KIAA1217: variants seen among roughly 807,000 people sequenced by gnomAD.
The protein encoded by KIAA1217 is KIAA1217.
A neutral mutation model predicts 163.9 loss-of-function variants in KIAA1217; 88 were observed. That is an observed-to-expected ratio of 0.54 (90% CI 0.45 to 0.64). The LOEUF is 0.64. KIAA1217 is among the 30% of genes least tolerant of loss of function. KIAA1217 has a pLI of 0.00. For missense variants in KIAA1217, 2,372 were observed against 2,475.0 expected (o/e 0.96, Z 0.88); for synonymous variants, 903 against 923.1 (o/e 0.98, Z 0.39).
At chr10:23,741,406 GC>G (rs1756427808) in intron 1 of KIAA1217, among the ~76,000 whole-genome samples, 1 of 151,698 alleles carries the variant, frequency 6.6e-6, no homozygotes, top group African/African-American at 2.4e-5. Context: ...TTCTGCTTAT[GC>G]CTTTTGAAAT....
chr10:23,881,648 A>T lies in KIAA1217; in HGVS notation c.-320-125577A>T, dbSNP rs377663611. Reference sequence around the variant, plus strand: ...GCTTGACTTTGAAAAGATTTTGTCCATTACATTCGGAATTGCTATTGGTGA... The same window carrying T: ...GCTTGACTTTGAAAAGATTTTGTCCTTTACATTCGGAATTGCTATTGGTGA... On this transcript the variant is annotated intron_variant, in intron 1 of 18. Coordinates refer to the KIAA1217 transcript ENST00000376462. Among the ~76,000 whole-genome samples, 6 of 152,124 alleles carry T rather than the reference A, an allele frequency of 3.9e-5. No individual in the cohort carries two copies. In the East Asian group the frequency reaches 5.8e-4, roughly 15 times the overall value.
Position 24,095,231 on chromosome 10 carries a change from C to T in KIAA1217, c.-171+87857C>T, listed in dbSNP as rs192305780. On this transcript the variant is annotated intron_variant, in intron 2 of 18. Transcript: ENST00000376462. ...CCCTGCTTCTGCTCGTGCACGGGTG[C>T]GCTGCACCCACTGTCCTGCGCCCAC... Among the ~76,000 whole-genome samples, 273 of 152,292 alleles carry T rather than the reference C, an allele frequency of 1.8e-3. 1 individual carries two copies. The highest frequency in any genetic ancestry group is 4.8e-3 in the Admixed American group (73 of 15,298).
At chr10:23,975,523 A>G (rs1845503614) in intron 1 of KIAA1217, among the ~76,000 whole-genome samples, 1 of 152,224 alleles carries the variant, frequency 6.6e-6, no homozygotes, top group South Asian at 2.1e-4. Context: ...GCACAGGCCA[A>G]TGCTTCCTTA....
chr10:24,010,428 A>C (rs1275191820), intron 2 of KIAA1217, among the ~76,000 whole-genome samples: 1 of 152,084 alleles, frequency 6.6e-6, no homozygotes, highest in African/African-American at 2.4e-5. Context: ...GCTGTTTTAA[A>C]ATAAAAAGTT....
chr10:24,331,664 G>T (rs1489640823), intron 2 of KIAA1217, among the ~76,000 whole-genome samples: 1 of 152,240 alleles, frequency 6.6e-6, no homozygotes, highest in Non-Finnish European at 1.5e-5. Flanking sequence ...AGGACAAACA[G>T]CAGCTTCAAG....
intron 2 of KIAA1217, among the ~76,000 whole-genome samples, chr10:24,095,238 C>G (rs2131698354): frequency 6.6e-6 from 1 of 152,334 alleles, no homozygotes; most frequent in African/African-American, 2.4e-5. Context: ...GTGCGCTGCA[C>G]CCACTGTCCT....
chr10:24,143,215 C>T (rs2064161921), intron 2 of KIAA1217, among the ~76,000 whole-genome samples: 1 of 152,160 alleles, frequency 6.6e-6, no homozygotes, highest in Non-Finnish European at 1.5e-5. Context: ...ACCCTCTGGA[C>T]ACCACAGCTG....
At chr10:24,512,696 G>C (rs745769434) in intron 9 of KIAA1217, among the ~76,000 whole-genome samples, 2 of 152,168 alleles carry the variant, frequency 1.3e-5, no homozygotes, top group Non-Finnish European at 2.9e-5. Flanking sequence ...CCATGTGAAC[G>C]AAAAGGACAC....
rs573716418 is a variant in KIAA1217, at chr10:24,201,871, T to A, written c.-170-17755T>A. Among the ~76,000 whole-genome samples, 370 of 152,300 alleles carry A rather than the reference T, an allele frequency of 2.4e-3. No homozygotes were observed. In the Middle Eastern group the frequency reaches 0.027, roughly 11 times the overall value. On this transcript the variant is annotated intron_variant, in intron 2 of 18. Coordinates refer to the KIAA1217 transcript ENST00000376462. The stretch of plus-strand genomic sequence containing the variant: ...GCTCAGGGCAAAGCAGGGGCTACAG[T>A]GAGCCCTTTGAGTCTCTGGACACCC...
At chr10:23,915,388 GC>G (rs1842595784) in intron 1 of KIAA1217, among the ~76,000 whole-genome samples, 1 of 152,098 alleles carries the variant, frequency 6.6e-6, no homozygotes. Context: ...TTTCATACAG[GC>G]TTTTTGTTAT....
chr10:23,752,274 A>G (rs1245512495), intron 1 of KIAA1217, among the ~76,000 whole-genome samples: 1 of 152,230 alleles, frequency 6.6e-6, no homozygotes, highest in East Asian at 1.9e-4. Flanking sequence ...GAATTAAAAT[A>G]CTATTAATTT....
At chr10:23,894,413 C>T (rs1438857558) in intron 1 of KIAA1217, among the ~76,000 whole-genome samples, 4 of 148,106 alleles carry the variant, frequency 2.7e-5, no homozygotes, top group Admixed American at 6.8e-5. Context: ...GAATAAAATA[C>T]CTAGGAATCC....
intron 3 of KIAA1217, among the ~76,000 whole-genome samples, chr10:24,393,799 A>G (rs2130878491): frequency 1.3e-5 from 2 of 152,322 alleles, no homozygotes; most frequent in African/African-American, 2.4e-5. Context: ...AGGCTTCAGA[A>G]GGAACCCACA....
intron 1 of KIAA1217, among the ~76,000 whole-genome samples, chr10:23,770,476 A>G (rs923659677): frequency 1.3e-5 from 2 of 152,176 alleles, no homozygotes; most frequent in Non-Finnish European, 2.9e-5. Flanking sequence ...CAATGAGTTC[A>G]TTTGTGGTGG....
intron 1 of KIAA1217, among the ~76,000 whole-genome samples, chr10:23,718,855 AG>A (rs1261758350): frequency 3.0e-4 from 43 of 145,164 alleles, no homozygotes; most frequent in Middle Eastern, 3.4e-3. Context: ...GGAGGGGGAG[AG>A]AGAGAGAGAA....
intron 2 of KIAA1217, among the ~76,000 whole-genome samples, chr10:24,060,035 A>T (rs1396139195): frequency 6.6e-6 from 1 of 152,078 alleles, no homozygotes; most frequent in Non-Finnish European, 1.5e-5. Flanking sequence ...GGTGTAAGTA[A>T]TGACTCCTTT....
intron 17 of KIAA1217, among the ~76,000 whole-genome samples, chr10:24,538,736 T>TTTG (rs1334772086): frequency 7.5e-6 from 1 of 133,622 alleles, no homozygotes; most frequent in Non-Finnish European, 1.6e-5. Flanking sequence ...TTTTTGGTTT[T>TTTG]TTTTTTTTTT....
intron 1 of KIAA1217, among the ~76,000 whole-genome samples, chr10:23,704,593 G>T (rs79833666): frequency 6.6e-6 from 1 of 151,928 alleles, no homozygotes; most frequent in Admixed American, 6.6e-5. Flanking sequence ...TTCACTCTGC[G>T]TAATGTTTTA....
Position 23,765,784 on chromosome 10 carries a change from C to T in KIAA1217, c.-321+70550C>T, listed in dbSNP as rs574763597. Among the ~76,000 whole-genome samples the T allele has an allele frequency of 4.6e-5, 7 of 152,262 alleles. No individual in the cohort carries two copies. The East Asian group carries it at 1.4e-3, about 29-fold the overall frequency. ...CATGATTGTAGGTTTCCTGAGGCTTCCCCAGCCATGTAGAACTGTGAGTCT... is the reference window on the plus strand; with the variant it reads ...CATGATTGTAGGTTTCCTGAGGCTTTCCCAGCCATGTAGAACTGTGAGTCT... On this transcript the variant is annotated intron_variant, in intron 1 of 18. Transcript: ENST00000376462.
Sources: allele counts gnomAD v4.1 joint callset (sites outside exome capture counted in the v4.1 genomes callset), GRCh38; gene constraint gnomAD v4.1.1; transcripts MANE v1.5; gene names NCBI Gene and HGNC (gene_info 2026-07-23, HGNC 2026-07-21).